CTIF: variants seen among roughly 807,000 people sequenced by gnomAD.
CTIF encodes CBP80/20-dependent translation initiation factor.
In CTIF, 21 loss-of-function variants were observed where a neutral mutation model predicts 66.0. The observed-to-expected ratio is 0.32, with a 90% CI of 0.23 to 0.46. The LOEUF (loss-of-function observed/expected upper bound fraction) is 0.46, where lower values mean the gene tolerates loss of function less well. Among genes scored for constraint, CTIF ranks in the 20% least tolerant of loss-of-function variants. CTIF has a pLI of 1.00. For synonymous variants in CTIF, 345 were observed against 326.4 expected (o/e 1.06, Z -0.62); for missense variants, 739 against 812.7 (o/e 0.91, Z 1.10).
chr18:48,557,233 T>G (rs1261232869), intron 1 of CTIF, among the ~76,000 whole-genome samples: 1 of 152,100 alleles, frequency 6.6e-6, no homozygotes, highest in Non-Finnish European at 1.5e-5. Context: ...AAAACTTGTT[T>G]GGAGACCTGG....
chr18:48,775,101 G>A (rs1428397051), intron 9 of CTIF, among the ~76,000 whole-genome samples: 2 of 152,100 alleles, frequency 1.3e-5, no homozygotes, highest in African/African-American at 2.4e-5. Context: ...TAACTCAAGC[G>A]GCCAAGAGCC....
intron 6 of CTIF, 55 bp from the exon 7 acceptor site, chr18:48,711,564 C>G: frequency 7.0e-7 from 1 of 1,418,680 alleles, no homozygotes; most frequent in South Asian, 1.2e-5. Context: ...CCCAGAGGTG[C>G]TTTGCTCTCT....
chr18:48,808,520 T>A (rs1289886629), intron 9 of CTIF, among the ~76,000 whole-genome samples: 1 of 151,620 alleles, frequency 6.6e-6, no homozygotes, highest in Non-Finnish European at 1.5e-5. Flanking sequence ...TTGGTCCTTT[T>A]TTTTTTTTTT....
intron 1 of CTIF, chr18:48,567,463 T>C (rs2089303673): frequency 6.6e-6 from 1 of 152,270 alleles, no homozygotes; most frequent in Admixed American, 6.5e-5. Context: ...TTGAGTATTT[T>C]CTTTGTGCCT....
chr18:48,741,252 G>A (rs1420996704), intron 7 of CTIF, among the ~76,000 whole-genome samples: 6 of 148,430 alleles, frequency 4.0e-5, no homozygotes, highest in Non-Finnish European at 8.9e-5. Flanking sequence ...TGCCTCTCCA[G>A]CCAGGGTCTG....
At chr18:48,617,951 C>T (rs189560481) in intron 1 of CTIF, among the ~76,000 whole-genome samples, 7 of 152,318 alleles carry the variant, frequency 4.6e-5, no homozygotes, top group East Asian at 1.9e-4. Flanking sequence ...CCCCTTGCAG[C>T]GGCCAAAAGC....
At chr18:48,620,417 G>A (rs1369582912) in intron 2 of CTIF, among the ~76,000 whole-genome samples, 1 of 152,182 alleles carries the variant, frequency 6.6e-6, no homozygotes, top group African/African-American at 2.4e-5. Flanking sequence ...ATTAAGGATA[G>A]GGACCCTATC....
At chr18:48,619,498 A>C in intron 1 of CTIF, 40 bp from the exon 2 acceptor site, 48 of 1,311,204 alleles carry the variant, frequency 3.7e-5, no homozygotes, top group Non-Finnish European at 4.8e-5. Context: ...CGTCTCCTCC[A>C]GCAGCGTCTC....
rs140600606 is a variant in CTIF at position 48,701,619 on chromosome 18, G to C, written c.508-10000G>C. On this transcript the variant is annotated intron_variant, in intron 6 of 11. Transcript: ENST00000256413. ...GCCTGACAATGGTAGTTGAAGAAGT[G>C]GCATTTTACTAATTGTTTCCTGTAC... is the stretch of plus-strand genomic sequence containing the variant. Among the ~76,000 whole-genome samples the C allele has an allele frequency of 8.5e-5, 13 of 152,218 alleles. No homozygotes were observed. The East Asian group carries it at 2.5e-3, about 29-fold the overall frequency.
intron 2 of CTIF, among the ~76,000 whole-genome samples, chr18:48,630,978 G>A (rs932118327): frequency 3.0e-4 from 45 of 152,124 alleles, no homozygotes; most frequent in African/African-American, 1.0e-3. Context: ...CACCCAGCCC[G>A]GGCTCTAGCT....
chr18:48,835,535 T>G (rs1216920040), intron 10 of CTIF, among the ~76,000 whole-genome samples: 7 of 152,140 alleles, frequency 4.6e-5, no homozygotes, highest in Admixed American at 3.9e-4. Flanking sequence ...GTGCAGATTT[T>G]TCATCGAGAT....
chr18:48,655,980 C>T (rs1026939789), intron 3 of CTIF, among the ~76,000 whole-genome samples: 1 of 152,218 alleles, frequency 6.6e-6, no homozygotes, highest in African/African-American at 2.4e-5. Context: ...GTTTTCACTG[C>T]ATCTGACTTT....
At chr18:48,800,028 AAC>A (rs2068016641) in intron 9 of CTIF, among the ~76,000 whole-genome samples, 1 of 152,254 alleles carries the variant, frequency 6.6e-6, no homozygotes, top group South Asian at 2.1e-4. Flanking sequence ...GGGAGGAGAA[AAC>A]AAGTAGACCG....
In CTIF at chr18:48,824,510, G is replaced by A. The variant is rs376472870; in HGVS notation, c.1527+7134G>A. On this transcript the variant is annotated intron_variant, in intron 10 of 11. Transcript: ENST00000256413. ...CGCCTCTCCGTGCCTCTGTGATCCC[G>A]TGGTGTTGTTGTGAGGCTCTTCTAG... Among the ~76,000 whole-genome samples the A allele has an allele frequency of 2.9e-4, 44 of 152,208 alleles. 1 individual carries two copies. Among genetic ancestry groups the A allele is most frequent in the Middle Eastern group, 3.4e-3 (1 of 294 alleles).
At chr18:48,681,214 C>T (rs2091735759) in intron 6 of CTIF, among the ~76,000 whole-genome samples, 1 of 152,266 alleles carries the variant, frequency 6.6e-6, no homozygotes, top group Non-Finnish European at 1.5e-5. Flanking sequence ...TCCCAGGCCC[C>T]TCTGTTCTAT....
intron 10 of CTIF, among the ~76,000 whole-genome samples, chr18:48,852,166 T>C (rs1453949513): frequency 7.0e-6 from 1 of 142,534 alleles, no homozygotes; most frequent in Non-Finnish European, 1.5e-5. Flanking sequence ...CCCAGCAGGT[T>C]GAGGCTATAG....
intron 6 of CTIF, among the ~76,000 whole-genome samples, chr18:48,682,470 A>AT (rs1389211732): frequency 6.6e-6 from 1 of 152,158 alleles, no homozygotes; most frequent in Non-Finnish European, 1.5e-5. Flanking sequence ...AGTGGTCTGC[A>AT]TTTTAACAAG....
chr18:48,832,513 G>C (rs6507870), intron 10 of CTIF, among the ~76,000 whole-genome samples: 1 of 152,130 alleles, frequency 6.6e-6, no homozygotes, highest in Non-Finnish European at 1.5e-5. Context: ...GGCCAGTTGC[G>C]TGACAGGGAT....
chr18:48,561,650 C>A (rs1226300543), intron 1 of CTIF, among the ~76,000 whole-genome samples: 11 of 152,196 alleles, frequency 7.2e-5, no homozygotes, highest in Admixed American at 6.5e-4. Context: ...CTCAGTGTCA[C>A]TTTTTCTCAG....
Sources: allele counts gnomAD v4.1 joint callset (sites outside exome capture counted in the v4.1 genomes callset), GRCh38; gene constraint gnomAD v4.1.1; transcripts MANE v1.5; gene names NCBI Gene and HGNC (gene_info 2026-07-23, HGNC 2026-07-21).